The following ATP6V0E1 variants were observed in gnomAD, a reference collection of about 807,000 sequenced individuals.
ATP6V0E1 encodes V-type proton ATPase subunit e 1.
A neutral mutation model predicts 11.6 loss-of-function variants in ATP6V0E1; 4 were observed. The observed-to-expected ratio is 0.35, with a 90% confidence interval of 0.17 to 0.79. The LOEUF is 0.79. Among genes scored for constraint, ATP6V0E1 ranks in the 30% least tolerant of loss-of-function variants. The pLI, the probability that ATP6V0E1 is intolerant of heterozygous loss-of-function variation, is 0.54. For synonymous variants in ATP6V0E1, 36 were observed against 34.8 expected, an observed-to-expected ratio of 1.04 and a Z score of -0.13; for missense variants, 105 against 100.0, an observed-to-expected ratio of 1.05 and a Z score of -0.21.
intron 3 of ATP6V0E1, among the ~76,000 whole-genome samples, chr5:173,029,500 T>C (rs1046570906): frequency 6.6e-6 from 1 of 152,120 alleles, no homozygotes; most frequent in Non-Finnish European, 1.5e-5. Context: ...TTACTACAGC[T>C]CTGAATTATG....
At chr5:172,996,541 G>A (rs1371505321) in intron 2 of ATP6V0E1, among the ~76,000 whole-genome samples, 2 of 149,710 alleles carry the variant, frequency 1.3e-5, no homozygotes, top group African/African-American at 2.5e-5. Flanking sequence ...CAGCCTGGGC[G>A]ACAGAGCGAG....
At chr5:173,025,293 C>T (rs1315622520) in intron 3 of ATP6V0E1, among the ~76,000 whole-genome samples, 1 of 150,972 alleles carries the variant, frequency 6.6e-6, no homozygotes, top group Non-Finnish European at 1.5e-5. Context: ...TATAGGCACA[C>T]ACCACCACAC....
At chr5:173,015,785 G>T (rs1756390175) in intron 2 of ATP6V0E1, among the ~76,000 whole-genome samples, 1 of 152,152 alleles carries the variant, frequency 6.6e-6, no homozygotes, top group Admixed American at 6.6e-5. Context: ...AAAGTGCAGT[G>T]GTGCGACCTT....
In ATP6V0E1 at chr5:172,994,235, T is replaced by C. The variant is rs563122725; in HGVS notation, c.105-540T>C. Among the ~76,000 whole-genome samples the C allele has an allele frequency of 3.9e-5, 6 of 152,096 alleles. No homozygotes were observed. The East Asian group carries it at 9.7e-4, about 25-fold the overall frequency. Reference sequence around the variant, plus strand: ...TGAGGGTGGGTCGGTTGGGTGAAAATGGCAGAGCTTCTTCTGAGGAGTAGG... The same window carrying C: ...TGAGGGTGGGTCGGTTGGGTGAAAACGGCAGAGCTTCTTCTGAGGAGTAGG... On this transcript the variant is annotated intron_variant, in intron 1 of 3. Coordinates refer to ENST00000519374, the MANE Select transcript of ATP6V0E1 (RefSeq NM_003945.4).
intron 2 of ATP6V0E1, among the ~76,000 whole-genome samples, chr5:173,001,931 T>C (rs1756161930): frequency 1.3e-5 from 2 of 152,312 alleles, no homozygotes; most frequent in Non-Finnish European, 2.9e-5. Flanking sequence ...TTGGTCAGGC[T>C]AGTCTCGAAC....
chr5:173,022,788 G>A (rs552008671), intron 3 of ATP6V0E1, among the ~76,000 whole-genome samples: 3 of 152,086 alleles, frequency 2.0e-5, no homozygotes, highest in Non-Finnish European at 2.9e-5. Flanking sequence ...ACACACCACC[G>A]TGCCTGGCTA....
chr5:172,994,155 C>T (rs2113583044), intron 1 of ATP6V0E1, among the ~76,000 whole-genome samples: 1 of 152,236 alleles, frequency 6.6e-6, no homozygotes, highest in South Asian at 2.1e-4. Flanking sequence ...TATAAATCCA[C>T]AGTATTTGGT....
intron 3 of ATP6V0E1, among the ~76,000 whole-genome samples, chr5:173,022,921 A>G (rs1262899285): frequency 6.6e-6 from 1 of 152,118 alleles, no homozygotes; most frequent in Non-Finnish European, 1.5e-5. Context: ...GCTGGAGTGC[A>G]GTGGTGTGAT....
At chr5:172,996,347 C>T (rs1159247295) in intron 2 of ATP6V0E1, among the ~76,000 whole-genome samples, 2 of 151,892 alleles carry the variant, frequency 1.3e-5, no homozygotes, top group East Asian at 1.9e-4. Flanking sequence ...ATCACCAGGT[C>T]AGGATATTGA....
At chr5:172,991,601 G>A (rs1288126580) in intron 1 of ATP6V0E1, among the ~76,000 whole-genome samples, 1 of 152,180 alleles carries the variant, frequency 6.6e-6, no homozygotes, top group African/African-American at 2.4e-5. Context: ...AGGGGGAGGT[G>A]AGAAGGATGG....
chr5:172,991,863 T>C (rs1003771999), intron 1 of ATP6V0E1, among the ~76,000 whole-genome samples: 9 of 152,164 alleles, frequency 5.9e-5, no homozygotes, highest in African/African-American at 2.2e-4. Flanking sequence ...TTTGCCCCGC[T>C]TCCCCCAGTC....
At chr5:172,996,779 C>A (rs1756073706) in intron 2 of ATP6V0E1, among the ~76,000 whole-genome samples, 1 of 152,048 alleles carries the variant, frequency 6.6e-6, no homozygotes, top group East Asian at 1.9e-4. Context: ...AGAAGACATA[C>A]AAGGTGATGA....
chr5:173,033,317 C>T (rs1366813985), intron 3 of ATP6V0E1, among the ~76,000 whole-genome samples: 2 of 152,106 alleles, frequency 1.3e-5, no homozygotes, highest in East Asian at 1.9e-4. Flanking sequence ...CCCGCCTTGG[C>T]GTCCCAAAGT....
intron 1 of ATP6V0E1, among the ~76,000 whole-genome samples, chr5:172,993,683 C>A (rs551985652): frequency 8.7e-6 from 1 of 114,756 alleles, no homozygotes; most frequent in Non-Finnish European, 1.8e-5. Flanking sequence ...ATTGAGACCC[C>A]CCCCCCCGAC....
At chr5:172,995,717 C>T (rs988890855) in intron 2 of ATP6V0E1, among the ~76,000 whole-genome samples, 11 of 152,130 alleles carry the variant, frequency 7.2e-5, no homozygotes, top group South Asian at 4.1e-4. Flanking sequence ...TAGGCTCAGG[C>T]GATCCTCCTG....
At chr5:173,014,027 G>A (rs1756367991) in intron 2 of ATP6V0E1, among the ~76,000 whole-genome samples, 1 of 152,030 alleles carries the variant, frequency 6.6e-6, no homozygotes, top group African/African-American at 2.4e-5. Flanking sequence ...AGCTGGGTGT[G>A]GTGGTAGGTT....
intron 1 of ATP6V0E1, among the ~76,000 whole-genome samples, chr5:172,985,148 G>T (rs1436793050): frequency 6.6e-6 from 1 of 151,740 alleles, no homozygotes; most frequent in South Asian, 2.1e-4. Flanking sequence ...GGGAGGCTGA[G>T]GCAGGAGAAT....
At chr5:173,009,856 C>T (rs1756292712) in intron 2 of ATP6V0E1, among the ~76,000 whole-genome samples, 1 of 151,186 alleles carries the variant, frequency 6.6e-6, no homozygotes, top group Admixed American at 6.6e-5. Context: ...CTCTGCCTCC[C>T]GGGTTCAGGC....
At chr5:173,031,496 C>T (rs914930347) in intron 3 of ATP6V0E1, among the ~76,000 whole-genome samples, 2 of 149,538 alleles carry the variant, frequency 1.3e-5, no homozygotes, top group Non-Finnish European at 3.0e-5. Context: ...CACCCCCAGT[C>T]AGCTATTTCT....
Sources: allele counts gnomAD v4.1 joint callset (sites outside exome capture counted in the v4.1 genomes callset), GRCh38; gene constraint gnomAD v4.1.1; transcripts MANE v1.5; gene names NCBI Gene and HGNC (gene_info 2026-07-23, HGNC 2026-07-21).